Variants in MYLK observed in about 807,000 individuals in gnomAD.
MYLK encodes the protein myosin light chain kinase, smooth muscle.
A neutral mutation model predicts 203.4 loss-of-function variants in MYLK; 106 were observed. That is an observed-to-expected ratio of 0.52 (90% CI 0.45 to 0.61). The LOEUF is 0.61. MYLK is among the 20% of genes least tolerant of loss of function. The pLI is 0.00. For missense variants in MYLK, 2,072 were observed against 2,442.3 expected (o/e 0.85, Z 3.20); for synonymous variants, 867 against 959.5 (o/e 0.90, Z 1.78).
At chr3:123,846,045 T>C (rs2029937754) in intron 2 of MYLK, among the ~76,000 whole-genome samples, 1 of 152,226 alleles carries the variant, frequency 6.6e-6, no homozygotes, top group Non-Finnish European at 1.5e-5. Flanking sequence ...TGATGTTATT[T>C]TTATGTTCCA....
chr3:123,769,865 T>C (rs747620789), intron 4 of MYLK, among the ~76,000 whole-genome samples: 4 of 152,232 alleles, frequency 2.6e-5, no homozygotes, highest in Non-Finnish European at 4.4e-5. Flanking sequence ...GGACTTCCTC[T>C]TTTGTTTTTG....
intron 31 of MYLK, chr3:123,623,433 T>A (rs984262088): frequency 6.6e-6 from 1 of 152,224 alleles, no homozygotes; most frequent in Non-Finnish European, 1.5e-5. Flanking sequence ...TAAAATTCTT[T>A]TAATATAAAT....
chr3:123,728,114 GCAA>G (rs1262544791), intron 11 of MYLK, among the ~76,000 whole-genome samples: 2 of 152,158 alleles, frequency 1.3e-5, no homozygotes, highest in Non-Finnish European at 2.9e-5. Flanking sequence ...CTCCATAAAA[GCAA>G]CAACAATACT....
intron 22 of MYLK, among the ~76,000 whole-genome samples, chr3:123,665,920 T>C (rs1560041226): frequency 6.6e-6 from 1 of 152,190 alleles, no homozygotes; most frequent in Non-Finnish European, 1.5e-5. Flanking sequence ...TGACTCTGAA[T>C]AGGATTCTAG....
At chr3:123,860,659 C>T (rs759020115) in intron 2 of MYLK, among the ~76,000 whole-genome samples, 3 of 152,188 alleles carry the variant, frequency 2.0e-5, no homozygotes, top group Non-Finnish European at 4.4e-5. Flanking sequence ...TGTCACCTTG[C>T]CGTGGATCGT....
intron 4 of MYLK, among the ~76,000 whole-genome samples, chr3:123,778,271 C>T (rs1301142714): frequency 1.3e-5 from 2 of 151,916 alleles, no homozygotes; most frequent in Non-Finnish European, 2.9e-5. Flanking sequence ...ATTAAATTTG[C>T]ACTAGGGGAT....
chr3:123,655,281 C>T (rs1156616845), intron 24 of MYLK, among the ~76,000 whole-genome samples: 1 of 152,084 alleles, frequency 6.6e-6, no homozygotes, highest in African/African-American at 2.4e-5. Flanking sequence ...CACCTTCTCC[C>T]TCCCCTGTTT....
At position 123,648,389 on chromosome 3, in the gene MYLK, AG is replaced by A. The variant is rs1279792764; in HGVS notation, c.4415+581del. ...CATTGCTTTACAGTGAGCACTGATCAGGCTACACTGACTTCTGTGGATCAAA... is the reference window on the plus strand; with the variant it reads ...CATTGCTTTACAGTGAGCACTGATCAGCTACACTGACTTCTGTGGATCAAA... On this transcript the variant is annotated intron_variant, in intron 26 of 33. Transcript: ENST00000360304. The surrounding 1 kb of genome is among the most constrained non-coding windows in gnomAD (Gnocchi z 4.5). Among the ~76,000 whole-genome samples, 2 of 152,350 alleles carry A rather than the reference AG, an allele frequency of 1.3e-5. No individual in the cohort carries two copies. The highest frequency in any genetic ancestry group is 2.9e-5 in the Non-Finnish European group (2 of 68,036).
At position 123,647,207 on chromosome 3, in the gene MYLK, G is replaced by A. The variant is rs760438767; in HGVS notation, c.4619+17C>T. 13 of 1,612,096 alleles carry A rather than the reference G, an allele frequency of 8.1e-6. No individual in the cohort carries two copies. The Admixed American group carries it at 1.0e-4, about 12-fold the overall frequency. Reference sequence around the variant, plus strand: ...GGCTCCCTGTGGTGCCCACGCTGCTGGCAGTGGGCCACTCACATCTCCAGG... The same window carrying A: ...GGCTCCCTGTGGTGCCCACGCTGCTAGCAGTGGGCCACTCACATCTCCAGG... On this transcript the variant is annotated intron_variant, in intron 27 of 33. Transcript: ENST00000360304.
At chr3:123,658,830 T>A (rs1308186425) in intron 23 of MYLK, among the ~76,000 whole-genome samples, 1 of 152,150 alleles carries the variant, frequency 6.6e-6, no homozygotes, top group Non-Finnish European at 1.5e-5. Flanking sequence ...TATGAGTATA[T>A]ATACTCATAC....
chr3:123,682,499 C>T (rs576870810), intron 19 of MYLK, among the ~76,000 whole-genome samples, 189 bp from the exon 20 acceptor site: 38 of 152,336 alleles, frequency 2.5e-4, no homozygotes, highest in African/African-American at 9.1e-4. Context: ...AAAGAAGGAC[C>T]GTCCACTACC....
chr3:123,777,207 C>T (rs1192096962), intron 4 of MYLK, among the ~76,000 whole-genome samples: 1 of 152,266 alleles, frequency 6.6e-6, no homozygotes, highest in African/African-American at 2.4e-5. Flanking sequence ...TGCTTGCGCA[C>T]ATCTGCCATT....
In MYLK at chr3:123,769,710, C is replaced by T. The variant is rs564413097; in HGVS notation, c.166-17172G>A. On this transcript the variant is annotated intron_variant, in intron 4 of 33. Coordinates refer to ENST00000360304, the MANE Select transcript of MYLK (RefSeq NM_053025.4). ...GCACAGTCACTCCTGCCTGTCTAATCGCACTAGACTGTAACTGTCTGTGGA... is the reference window on the plus strand; with the variant it reads ...GCACAGTCACTCCTGCCTGTCTAATTGCACTAGACTGTAACTGTCTGTGGA... Among the ~76,000 whole-genome samples, 6 of 152,284 alleles carry T rather than the reference C, an allele frequency of 3.9e-5. 1 individual carries two copies. The highest frequency in any genetic ancestry group is 3.9e-4 in the East Asian group (2 of 5,178).
chr3:123,877,303 G>A (rs1256227869), intron 1 of MYLK, among the ~76,000 whole-genome samples: 1 of 152,106 alleles, frequency 6.6e-6, no homozygotes, highest in Non-Finnish European at 1.5e-5. Flanking sequence ...TGTGAAACAG[G>A]GAGCCACCGG....
At chr3:123,714,099 G>A (rs772799200) in intron 13 of MYLK, among the ~76,000 whole-genome samples, 8 of 152,124 alleles carry the variant, frequency 5.3e-5, no homozygotes, top group East Asian at 1.9e-4. Context: ...AAAGCCCAGC[G>A]CTCCAGGATT....
At chr3:123,798,394 C>A (rs556108317) in intron 3 of MYLK, among the ~76,000 whole-genome samples, 2 of 152,102 alleles carry the variant, frequency 1.3e-5, no homozygotes, top group Non-Finnish European at 2.9e-5. Context: ...TGTGCCTCCC[C>A]CTTCTGCTGT....
At chr3:123,848,511 T>C (rs2030334938) in intron 2 of MYLK, among the ~76,000 whole-genome samples, 1 of 151,100 alleles carries the variant, frequency 6.6e-6, no homozygotes, top group African/African-American at 2.4e-5. Flanking sequence ...CATGCTAAAA[T>C]AAAAAAAAAC....
At chr3:123,701,600 G>A (rs1243761990) in intron 16 of MYLK, 91 bp from the exon 17 acceptor site, 32 of 1,367,538 alleles carry the variant, frequency 2.3e-5, no homozygotes, top group Admixed American at 5.2e-5. Context: ...GCTGGCCAGC[G>A]GGGAAGATGG....
chr3:123,665,622 T>C (rs548196230), intron 22 of MYLK, among the ~76,000 whole-genome samples: 102 of 152,320 alleles, frequency 6.7e-4, no homozygotes, highest in Non-Finnish European at 1.1e-3. Context: ...CCACCGTGGA[T>C]TGGTGGAGCT....
Sources: gnomAD v4.1 joint callset for allele counts (sites outside exome capture counted in the v4.1 genomes callset) on GRCh38, gnomAD v4.1.1 for gene constraint, Gnocchi (gnomAD v3.1) non-coding constraint, MANE v1.5 for transcripts, NCBI Gene and HGNC (gene_info 2026-07-23, HGNC 2026-07-21) for gene names.